Variants in NOL4L observed in about 807,000 individuals in gnomAD.
NOL4L encodes nucleolar protein 4-like.
Under a neutral mutation model 64.5 loss-of-function variants are expected in NOL4L, and 7 were observed. The ratio of observed to expected loss-of-function variants is 0.11; its 90% CI spans 0.06 to 0.20. NOL4L has a LOEUF of 0.20. Ranked by LOEUF, NOL4L falls within the 10% of genes least tolerant of loss-of-function variation. NOL4L has a pLI of 1.00. For synonymous variants in NOL4L, 413 were observed against 401.0 expected (o/e 1.03, Z -0.36); for missense variants, 680 against 967.1 (o/e 0.70, Z 3.94).
intron 1 of NOL4L, among the ~76,000 whole-genome samples, chr20:32,542,363 AT>A (rs980636686): frequency 2.6e-5 from 4 of 151,980 alleles, no homozygotes; most frequent in Admixed American, 6.6e-5. Context: ...TTTTAAAAAA[AT>A]TTTTTTTGAG....
chr20:32,472,019 G>A (rs1421255919), intron 5 of NOL4L, among the ~76,000 whole-genome samples: 4 of 152,066 alleles, frequency 2.6e-5, no homozygotes, highest in East Asian at 1.9e-4. Context: ...AACACCAAAC[G>A]GACCAACACA....
At chr20:32,462,172 G>T (rs1294991792) in intron 5 of NOL4L, among the ~76,000 whole-genome samples, 1 of 152,204 alleles carries the variant, frequency 6.6e-6, no homozygotes, top group Non-Finnish European at 1.5e-5. Flanking sequence ...CTGATAGGGG[G>T]CACAGATGAT....
intron 1 of NOL4L, 30 bp downstream of exon 1, chr20:32,584,540 C>T (rs1334778588): frequency 1.5e-5 from 20 of 1,312,296 alleles, no homozygotes; most frequent in Non-Finnish European, 1.8e-5. Flanking sequence ...CGCGGCGGGA[C>T]CCGCCCGCGG....
Position 32,464,864 on chromosome 20 carries a change from CTGAGA to C in NOL4L, c.842-8474_842-8470del. The C allele has an allele frequency of 1.2e-5, 5 of 423,408 alleles. No individual in the cohort carries two copies. The highest frequency in any genetic ancestry group is 8.6e-5 in the Admixed American group (2 of 23,280). The allele number at this position is 423,408 out of a possible 1,614,324, so 26.2% of individuals were successfully genotyped here. On this transcript the variant is annotated intron_variant, in intron 5 of 10. Transcript: ENST00000621426. This position sits in a 1 kb window ranked among gnomAD's most constrained non-coding sequence, Gnocchi z 5.6. ...AATAATTGATACCGTGTTATCAGAG[CTGAGA>C]TATTTCACCTTCTTCTTTCCTACGG... is the stretch of plus-strand genomic sequence containing the variant.
chr20:32,453,050 G>C lies in NOL4L; in HGVS notation c.1498-44C>G, dbSNP rs371968925. 5 of 1,607,794 alleles carry C rather than the reference G, an allele frequency of 3.1e-6. No individual in the cohort carries two copies. Among genetic ancestry groups the C allele is most frequent in the Non-Finnish European group, 4.2e-6 (5 of 1,179,172 alleles). The stretch of plus-strand genomic sequence containing the variant: ...TGGAGCTAGCATGGGGCCCGTGGGG[G>C]CCCTGGGCTTGTGCAGAGACCCTGC... On this transcript the variant is annotated intron_variant, in intron 8 of 10. Transcript: ENST00000621426. This position sits in a 1 kb window ranked among gnomAD's most constrained non-coding sequence, Gnocchi z 5.6.
At position 32,452,946 on chromosome 20, in the gene NOL4L, A is replaced by C; in HGVS notation, c.1558T>G (p.Cys520Gly). Residue 520 changes from cysteine to glycine, a missense_variant, in exon 9 of 11, where the codon TGT becomes GGT. Physicochemically the swap from Cys to Gly is radical, Grantham distance 159. This residue lies in a region of NOL4L where 175 missense variants were observed against 227.0 expected (regional missense o/e 0.77). Coordinates refer to ENST00000621426, the MANE Select transcript of NOL4L (RefSeq NM_001256798.2). ...GCTGCCTTTCTTGTCTCGCTCTCAC[A>C]GGCAGCTGCCAGGATGTTTTCTGCC... ...AMAENILAAACESETRKAAKR... is the reference protein window; with the variant it reads ...AMAENILAAAGESETRKAAKR... 1 of 1,614,014 alleles carries C rather than the reference A, an allele frequency of 6.2e-7. No homozygotes were observed. Among genetic ancestry groups the C allele is most frequent in the Non-Finnish European group, 8.5e-7 (1 of 1,180,018 alleles).
At chr20:32,540,799 G>A (rs764656470) in intron 1 of NOL4L, among the ~76,000 whole-genome samples, 7 of 152,170 alleles carry the variant, frequency 4.6e-5, no homozygotes, top group Non-Finnish European at 7.4e-5. Context: ...ATCCTGGTTA[G>A]CCAAAAGCAT....
intron 4 of NOL4L, among the ~76,000 whole-genome samples, chr20:32,505,214 GC>G (rs2017092088): frequency 6.6e-6 from 1 of 152,164 alleles, no homozygotes; most frequent in Non-Finnish European, 1.5e-5. Context: ...CTTTGTGTCT[GC>G]CCATATTTTG....
At chr20:32,514,887 G>A (rs1429924723) in intron 3 of NOL4L, among the ~76,000 whole-genome samples, 1 of 152,082 alleles carries the variant, frequency 6.6e-6, no homozygotes, top group Non-Finnish European at 1.5e-5. Context: ...ACCATGGTGA[G>A]TGTGACATCA....
At chr20:32,517,744 C>T (rs368799738) in intron 3 of NOL4L, among the ~76,000 whole-genome samples, 16 of 152,202 alleles carry the variant, frequency 1.1e-4, no homozygotes, top group African/African-American at 3.4e-4. Flanking sequence ...CCGTAGGCCA[C>T]GACACGGGCT....
chr20:32,521,023 C>A, intron 2 of NOL4L, 101 bp from the exon 3 acceptor site: 1 of 630,280 alleles, frequency 1.6e-6, no homozygotes. Flanking sequence ...TGCTTCGGCT[C>A]TTGCAAGGAA....
chr20:32,537,238 G>A (rs913745334), intron 1 of NOL4L: 4 of 478,838 alleles, frequency 8.4e-6, no homozygotes, highest in South Asian at 8.9e-5. Context: ...AGGCGCAGCG[G>A]GGTGTGGCCA....
intron 5 of NOL4L, among the ~76,000 whole-genome samples, chr20:32,467,672 G>T (rs888705697): frequency 2.0e-5 from 3 of 152,210 alleles, no homozygotes; most frequent in Non-Finnish European, 4.4e-5. Context: ...GGCCCCCAAT[G>T]GGCCTGTGCT....
chr20:32,470,444 T>G (rs1156368834), intron 5 of NOL4L, among the ~76,000 whole-genome samples: 5 of 152,266 alleles, frequency 3.3e-5, no homozygotes, highest in African/African-American at 1.2e-4. Flanking sequence ...GGCCCTGTGC[T>G]GGGTGCTGGA....
At chr20:32,536,807 G>GGA (rs2018544269) in intron 1 of NOL4L, among the ~76,000 whole-genome samples, 1 of 119,432 alleles carries the variant, frequency 8.4e-6, no homozygotes, top group Admixed American at 7.7e-5. Context: ...AGTGGGGGGG[G>GGA]GGGGGCGCAC....
intron 4 of NOL4L, among the ~76,000 whole-genome samples, chr20:32,505,796 A>G (rs1430345376): frequency 6.6e-6 from 1 of 152,260 alleles, no homozygotes; most frequent in Non-Finnish European, 1.5e-5. Flanking sequence ...ACAAAAGGAC[A>G]AAAGGACATC....
intron 1 of NOL4L, among the ~76,000 whole-genome samples, chr20:32,536,802 G>C (rs1220065424): frequency 1.5e-5 from 1 of 65,860 alleles, no homozygotes; most frequent in African/African-American, 4.8e-5. Context: ...CTGGGAGTGG[G>C]GGGGGGGGGG....
intron 4 of NOL4L, among the ~76,000 whole-genome samples, chr20:32,485,360 C>T (rs1206008637): frequency 4.6e-5 from 7 of 152,214 alleles, no homozygotes; most frequent in African/African-American, 1.7e-4. Flanking sequence ...GCTCCCTCTA[C>T]AGCCGCGAGT....
intron 1 of NOL4L, among the ~76,000 whole-genome samples, chr20:32,566,451 G>A (rs918192994): frequency 1.3e-5 from 2 of 152,154 alleles, no homozygotes; most frequent in Non-Finnish European, 2.9e-5. Context: ...GACAGGCTAC[G>A]AGGGCTCAGA....
Sources: allele counts gnomAD v4.1 joint callset (sites outside exome capture counted in the v4.1 genomes callset), GRCh38; gene constraint gnomAD v4.1.1; regional missense constraint gnomAD v4.1.1; non-coding constraint Gnocchi (gnomAD v3.1); transcripts MANE v1.5; gene names NCBI Gene and HGNC (gene_info 2026-07-23, HGNC 2026-07-21).